The following FAM78A variants were observed in gnomAD, a reference collection of about 807,000 sequenced individuals.
FAM78A encodes protein FAM78A.
In FAM78A, 12 loss-of-function variants were observed where a neutral mutation model predicts 22.6. That is an observed-to-expected ratio of 0.53 (90% CI 0.34 to 0.86). The LOEUF is 0.86. Ranked by LOEUF, FAM78A falls within the 40% of genes least tolerant of loss-of-function variation. The pLI is 0.02. For missense variants in FAM78A, 322 were observed against 396.1 expected, an observed-to-expected ratio of 0.81 and a Z score of 1.59; for synonymous variants, 151 against 155.8, an observed-to-expected ratio of 0.97 and a Z score of 0.23.
Position 131,272,245 on chromosome 9 carries a change from A to G in FAM78A, c.323+3612T>C, listed in dbSNP as rs545495414. The stretch of plus-strand genomic sequence containing the variant: ...TACCTAGCTGTCCCTTCCCCGGGCC[A>G]CTAAAGCACAGGGCCTGGGTTTCAT... On this transcript the variant is annotated intron_variant, in intron 1 of 1. Transcript: ENST00000372271. This position sits in a 1 kb window ranked among gnomAD's most constrained non-coding sequence, Gnocchi z 4.1. Among the ~76,000 whole-genome samples, 306 of 152,350 alleles carry G rather than the reference A, an allele frequency of 2.0e-3. 1 individual carries two copies. Among genetic ancestry groups the G allele is most frequent in the African/African-American group, 6.9e-3 (289 of 41,592 alleles).
chr9:131,261,241 C>T lies in FAM78A; in HGVS notation c.433G>A (p.Val145Met), dbSNP rs372748462. The T allele has an allele frequency of 3.7e-5, 59 of 1,612,764 alleles. 1 individual carries two copies. The highest frequency in any genetic ancestry group is 1.5e-4 in the South Asian group (14 of 91,048). ...TTGGAGTCCCTCTTGGTGGGGCCCA[C>T]GATGGTGCAGGTCTCTGTGGTGTTG... ...YGNTTETCTI[V>M]GPTKRDSKFI... is the part of the protein sequence containing the mutation. The change falls in exon 2 of 2, where the codon GTG becomes ATG. Residue 145 changes from valine to methionine, a missense_variant. Val to Met is a conservative substitution (Grantham distance 21). Transcript: ENST00000372271. The surrounding 1 kb of genome is among the most constrained non-coding windows in gnomAD (Gnocchi z 7.1).
intron 1 of FAM78A, among the ~76,000 whole-genome samples, chr9:131,268,448 C>G (rs1835372968): frequency 1.3e-5 from 2 of 152,238 alleles, no homozygotes; most frequent in South Asian, 4.1e-4. Flanking sequence ...ACAGGGCCTG[C>G]CCACGGGGAT....
intron 1 of FAM78A, among the ~76,000 whole-genome samples, chr9:131,270,805 C>G (rs116752782): frequency 0.014 from 2,139 of 152,268 alleles, 55 homozygotes; most frequent in African/African-American, 0.049. Context: ...CGCTGAGCAA[C>G]ACTGCTCTGG....
chr9:131,267,092 C>G (rs896298082), intron 1 of FAM78A, among the ~76,000 whole-genome samples: 1 of 152,196 alleles, frequency 6.6e-6, no homozygotes, highest in South Asian at 2.1e-4. Context: ...AGGAGACTTA[C>G]GGCAGTGAGA....
Position 131,275,017 on chromosome 9 carries a change from C to A in FAM78A, c.323+840G>T. Among the ~76,000 whole-genome samples the A allele has an allele frequency of 6.6e-6, 1 of 152,200 alleles. No homozygotes were observed. The highest frequency in any genetic ancestry group is 1.5e-5 in the Non-Finnish European group (1 of 68,030). On this transcript the variant is annotated intron_variant, in intron 1 of 1. Coordinates refer to ENST00000372271, the MANE Select transcript of FAM78A (RefSeq NM_033387.4). The surrounding 1 kb of genome is among the most constrained non-coding windows in gnomAD (Gnocchi z 4.6). ...TGAACCTTCAGATTAAGTCACTCTC[C>A]CAACTCTGCCTAAATGCAGCTCTTT...
At chr9:131,269,495 T>C (rs1415688515) in intron 1 of FAM78A, among the ~76,000 whole-genome samples, 1 of 152,048 alleles carries the variant, frequency 6.6e-6, no homozygotes, top group East Asian at 1.9e-4. Flanking sequence ...TTTTTTTTTT[T>C]TGAGACAGTC....
Position 131,274,550 on chromosome 9 carries a change from C to T in FAM78A, c.323+1307G>A, listed in dbSNP as rs1835459245. Among the ~76,000 whole-genome samples, 1 of 152,082 alleles carries T rather than the reference C, an allele frequency of 6.6e-6. No homozygotes were observed. The highest frequency in any genetic ancestry group is 1.5e-5 in the Non-Finnish European group (1 of 68,006). ...GGCCGGTGAGAGCCTCTAGATGTGCCCCCCATGTACCTCTTTGGGACAGTC... is the reference window on the plus strand; with the variant it reads ...GGCCGGTGAGAGCCTCTAGATGTGCTCCCCATGTACCTCTTTGGGACAGTC... On this transcript the variant is annotated intron_variant, in intron 1 of 1. Coordinates refer to ENST00000372271, the MANE Select transcript of FAM78A (RefSeq NM_033387.4). The surrounding 1 kb of genome is among the most constrained non-coding windows in gnomAD (Gnocchi z 4.2).
intron 1 of FAM78A, among the ~76,000 whole-genome samples, chr9:131,271,274 A>G (rs752213191): frequency 2.0e-4 from 30 of 152,166 alleles, no homozygotes; most frequent in Non-Finnish European, 4.0e-4. Flanking sequence ...ATAGACAGGT[A>G]TCTGAAACCC....
intron 1 of FAM78A, chr9:131,270,653 G>C (rs1835407357): frequency 1.6e-6 from 1 of 625,154 alleles, no homozygotes; most frequent in Non-Finnish European, 3.0e-6. Context: ...CCCAGCAGAT[G>C]GGGGAGGCCG....
rs573878499 is a variant in FAM78A, at chr9:131,266,768, C to T, written c.324-5418G>A. 2.4e-4 allele frequency among the ~76,000 whole-genome samples: 37 copies of T among 152,386 alleles called. No individual in the cohort carries two copies. In the East Asian group the frequency reaches 6.4e-3, roughly 26 times the overall value. On this transcript the variant is annotated intron_variant, in intron 1 of 1. Transcript: ENST00000372271. ...CGTGAGGGCAGGGCCAGGCCTGCCT[C>T]GCCCATCACCACATATCTGGGATGT...
rs915607693 is a variant in FAM78A at position 131,275,957 on chromosome 9, C to G, written c.223G>C (p.Val75Leu). 3 of 1,613,430 alleles carry G rather than the reference C, an allele frequency of 1.9e-6. No individual in the cohort carries two copies. In the African/African-American group the frequency reaches 4.0e-5, roughly 22 times the overall value. Residue 75 changes from valine (V) to leucine (L), a missense_variant, in exon 1 of 2, where the codon GTG becomes CTG. Physicochemically the swap from Val to Leu is conservative, Grantham distance 32 (BLOSUM62 1). Coordinates refer to ENST00000372271, the MANE Select transcript of FAM78A (RefSeq NM_033387.4). This position sits in a 1 kb window ranked among gnomAD's most constrained non-coding sequence, Gnocchi z 4.6. ...TTCTTGGGGATGGGCGGCATGACCA[C>G]CTGGGCCGAGGCCCGGAAGTGGGGT... Reference protein sequence around the residue: ...RTPHFRASAQVVMPPIPKKET... With the variant: ...RTPHFRASAQLVMPPIPKKET...
At chr9:131,267,274 C>T (rs1269729874) in intron 1 of FAM78A, among the ~76,000 whole-genome samples, 1 of 152,180 alleles carries the variant, frequency 6.6e-6, no homozygotes, top group Non-Finnish European at 1.5e-5. Flanking sequence ...AAAGACTCAA[C>T]TATGGGAGTC....
intron 1 of FAM78A, chr9:131,264,760 G>T (rs1456579207): frequency 2.2e-5 from 13 of 603,680 alleles, no homozygotes; most frequent in Non-Finnish European, 3.8e-5. Flanking sequence ...GTCTCACTCT[G>T]TCACTCAGGC....
chr9:131,275,826 G>C lies in FAM78A; in HGVS notation c.323+31C>G. Reference sequence around the variant, plus strand: ...CCTCCAAGCTCGGCCATCCCTAGCAGTTCCCAGAGCTGGCTCTCGGCCGTA... The same window carrying C: ...CCTCCAAGCTCGGCCATCCCTAGCACTTCCCAGAGCTGGCTCTCGGCCGTA... On this transcript the variant is annotated intron_variant, in intron 1 of 1. Coordinates refer to ENST00000372271, the MANE Select transcript of FAM78A (RefSeq NM_033387.4). This position sits in a 1 kb window ranked among gnomAD's most constrained non-coding sequence, Gnocchi z 4.6. The C allele has an allele frequency of 6.5e-7, 1 of 1,545,328 alleles. No individual in the cohort carries two copies. Among genetic ancestry groups the C allele is most frequent in the Non-Finnish European group, 8.7e-7 (1 of 1,144,212 alleles).
chr9:131,261,482 C>G lies in FAM78A; in HGVS notation c.324-132G>C. The G allele has an allele frequency of 2.6e-6, 2 of 769,442 alleles. No individual in the cohort carries two copies. Among genetic ancestry groups the G allele is most frequent in the Non-Finnish European group, 4.0e-6 (2 of 498,008 alleles). The allele number at this position is 769,442 out of a possible 1,614,324, so 47.7% of individuals were successfully genotyped here. On this transcript the variant is annotated intron_variant, in intron 1 of 1. Coordinates refer to ENST00000372271, the MANE Select transcript of FAM78A (RefSeq NM_033387.4). This position sits in a 1 kb window ranked among gnomAD's most constrained non-coding sequence, Gnocchi z 7.1. Reference sequence around the variant, plus strand: ...CAGCAGACCACCCGGTCCCCTTTGACGTTCTGGGGGCAGGGGGTCAGACAG... The same window carrying G: ...CAGCAGACCACCCGGTCCCCTTTGAGGTTCTGGGGGCAGGGGGTCAGACAG...
Position 131,276,233 on chromosome 9 carries a change from A to C in FAM78A, c.-54T>G. The C allele has an allele frequency of 2.8e-6, 4 of 1,452,590 alleles. No homozygotes were observed. Among genetic ancestry groups the C allele is most frequent in the Non-Finnish European group, 3.8e-6 (4 of 1,056,974 alleles). 90.0% of individuals were successfully genotyped at this position (1,452,590 alleles called of 1,614,324 possible). A position where few individuals can be genotyped will look rare whatever the true frequency, so the allele number is the denominator to read the frequency against. On this transcript the variant is annotated 5_prime_UTR_variant, in exon 1 of 2. An upstream open reading frame in the 5' UTR loses its in-frame stop. Coordinates refer to ENST00000372271, the MANE Select transcript of FAM78A (RefSeq NM_033387.4). This position sits in a 1 kb window ranked among gnomAD's most constrained non-coding sequence, Gnocchi z 4.3. Reference sequence around the variant, plus strand: ...ACAGACGGCGCTGCTCTCCAATCTCAACTCTCAAGACCGATATCCATAGGA... The same window carrying C: ...ACAGACGGCGCTGCTCTCCAATCTCCACTCTCAAGACCGATATCCATAGGA...
chr9:131,280,801 G>A (rs1052877279), upstream of FAM78A, among the ~76,000 whole-genome samples: 3 of 152,212 alleles, frequency 2.0e-5, no homozygotes, highest in Non-Finnish European at 2.9e-5. Flanking sequence ...AGGCATCACC[G>A]TGAGCTGGGG....
At chr9:131,280,573 A>G (rs1835532633), upstream of FAM78A, among the ~76,000 whole-genome samples, 1 of 152,070 alleles carries the variant, frequency 6.6e-6, no homozygotes, top group South Asian at 2.1e-4. Context: ...ACACGGCCCC[A>G]TCCCCCACCC....
chr9:131,277,525 C>T (rs1017622333), upstream of FAM78A, among the ~76,000 whole-genome samples: 4 of 151,876 alleles, frequency 2.6e-5, no homozygotes, highest in African/African-American at 9.7e-5. The surrounding 1 kb of genome is among the most constrained non-coding windows in gnomAD (Gnocchi z 8.4). Context: ...CACGCCCCCA[C>T]TCGGGCGGCG....
Sources: allele counts gnomAD v4.1 joint callset (sites outside exome capture counted in the v4.1 genomes callset), GRCh38; gene constraint gnomAD v4.1.1; non-coding constraint Gnocchi (gnomAD v3.1); transcripts MANE v1.5; gene names NCBI Gene and HGNC (gene_info 2026-07-23, HGNC 2026-07-21).